Variants in IQCK observed in about 807,000 individuals in gnomAD.
IQCK encodes IQ motif containing K, also known as IQ domain-containing protein K.
A neutral mutation model predicts 28.1 loss-of-function variants in IQCK; 29 were observed. That is an observed-to-expected ratio of 1.03 (90% CI 0.77 to 1.41). The LOEUF is 1.41. Ranked by LOEUF, IQCK falls within the 40% of genes most tolerant of loss-of-function variation. IQCK has a pLI of 0.00. For synonymous variants in IQCK, 113 were observed against 115.1 expected, an observed-to-expected ratio of 0.98 and a Z score of 0.12; for missense variants, 359 against 314.7, an observed-to-expected ratio of 1.14 and a Z score of -1.07.
chr16:19,831,551 G>T (rs2056233516), downstream of IQCK, among the ~76,000 whole-genome samples: 2 of 152,032 alleles, frequency 1.3e-5, no homozygotes, highest in Admixed American at 1.3e-4. Flanking sequence ...TCAAAGGCTT[G>T]CAGTGAAGCA....
chr16:19,735,073 T>A (rs1406712284), intron 3 of IQCK, among the ~76,000 whole-genome samples: 1 of 152,182 alleles, frequency 6.6e-6, no homozygotes, highest in Non-Finnish European at 1.5e-5. Flanking sequence ...CCGGCCACAC[T>A]GGGCCCCTTG....
At chr16:19,752,604 T>C (rs62025010) in intron 4 of IQCK, among the ~76,000 whole-genome samples, 8,378 of 152,260 alleles carry the variant, frequency 0.055, 378 homozygotes, top group Non-Finnish European at 0.084. Context: ...GGTCTCACTC[T>C]GCTGCCCAGG....
chr16:19,774,398 CTTTTTTTT>C (rs1167894201), intron 6 of IQCK, among the ~76,000 whole-genome samples: 3 of 104,114 alleles, frequency 2.9e-5, no homozygotes, highest in Non-Finnish European at 3.8e-5. Context: ...TTAGCTAATA[CTTTTTTTT>C]TTTTTTTTTT....
chr16:19,765,335 C>T (rs189328944), intron 6 of IQCK, among the ~76,000 whole-genome samples: 45 of 151,510 alleles, frequency 3.0e-4, no homozygotes, highest in African/African-American at 1.0e-3. Context: ...GTCAGGAGTT[C>T]GAGACCAGCC....
chr16:19,718,909 G>A (rs1186197502), intron 1 of IQCK, among the ~76,000 whole-genome samples: 1 of 152,208 alleles, frequency 6.6e-6, no homozygotes, highest in East Asian at 1.9e-4. Context: ...TTTTAAAAGA[G>A]CACCCCAGGT....
At chr16:19,842,577 T>C (rs2056373941) in intron 9 of IQCK, among the ~76,000 whole-genome samples, 1 of 152,226 alleles carries the variant, frequency 6.6e-6, no homozygotes, top group African/African-American at 2.4e-5. Flanking sequence ...TAAATCCGTA[T>C]GTGAAATGTC....
At chr16:19,779,101 G>C (rs1192599913) in intron 6 of IQCK, among the ~76,000 whole-genome samples, 2 of 152,104 alleles carry the variant, frequency 1.3e-5, no homozygotes, top group East Asian at 3.9e-4. Flanking sequence ...TCCCACTTCA[G>C]CCTCCCAAAG....
At chr16:19,741,501 A>C (rs943090029) in intron 4 of IQCK, among the ~76,000 whole-genome samples, 2 of 152,164 alleles carry the variant, frequency 1.3e-5, no homozygotes, top group Non-Finnish European at 2.9e-5. Flanking sequence ...TAAATTTCTA[A>C]TTATATTAGA....
chr16:19,729,132 T>A (rs894592667), intron 1 of IQCK, among the ~76,000 whole-genome samples: 2 of 152,170 alleles, frequency 1.3e-5, no homozygotes, highest in Non-Finnish European at 2.9e-5. Flanking sequence ...ACGTGGACTG[T>A]TCTTTTATTT....
intron 7 of IQCK, among the ~76,000 whole-genome samples, chr16:19,816,732 T>C (rs1383548310): frequency 6.6e-6 from 1 of 152,242 alleles, no homozygotes; most frequent in Non-Finnish European, 1.5e-5. Context: ...CATGTACTAA[T>C]AGCAATTGTA....
chr16:19,836,054 CT>C (rs1174693192), intron 9 of IQCK, among the ~76,000 whole-genome samples: 1 of 152,180 alleles, frequency 6.6e-6, no homozygotes, highest in Non-Finnish European at 1.5e-5. Context: ...ATGATGTCAT[CT>C]TTGTGCTACA....
intron 6 of IQCK, among the ~76,000 whole-genome samples, chr16:19,785,762 G>C (rs1455171369): frequency 1.3e-5 from 2 of 152,288 alleles, no homozygotes; most frequent in South Asian, 2.1e-4. Flanking sequence ...AAACTTCTAG[G>C]GGGTATTTGG....
At chr16:19,761,720 C>G (rs541923383) in intron 4 of IQCK, 1 of 253,572 alleles carries the variant, frequency 3.9e-6, no homozygotes, top group African/African-American at 2.2e-5. Flanking sequence ...TATCTTCTCC[C>G]CATTACTCTG....
At chr16:19,764,263 C>G in intron 6 of IQCK, 151 bp downstream of exon 6, 1 of 621,556 alleles carries the variant, frequency 1.6e-6, no homozygotes, top group Non-Finnish European at 2.8e-6. Flanking sequence ...TTATTCTTAG[C>G]CTAGGCTAAC....
intron 6 of IQCK, among the ~76,000 whole-genome samples, chr16:19,777,946 C>T (rs552528904): frequency 2.7e-4 from 41 of 152,096 alleles, no homozygotes; most frequent in African/African-American, 7.7e-4. Flanking sequence ...CCAGTTACTC[C>T]GGAGGCTGAG....
At chr16:19,756,070 G>A (rs529996728) in intron 4 of IQCK, among the ~76,000 whole-genome samples, 23 of 152,320 alleles carry the variant, frequency 1.5e-4, no homozygotes, top group African/African-American at 4.8e-4. Context: ...TGTAGTCCCA[G>A]CTACCTGGGG....
At position 19,718,335 on chromosome 16, in the gene IQCK, AC is replaced by A. The variant is rs765882404; in HGVS notation, c.30del (p.His10GlnfsTer2). ...GCGGCACCGCGGCAAATCCCCAGCC[AC>A]ATAGTGCGCCTCAAGCCCAGCTGCT... On this transcript the variant is annotated frameshift_variant, in exon 1 of 8. Coordinates refer to ENST00000564186, the Ensembl canonical transcript of IQCK. LOFTEE classifies it high-confidence loss of function. The A allele has an allele frequency of 3.1e-6, 5 of 1,609,806 alleles. No individual in the cohort carries two copies. The African/African-American group carries it at 5.3e-5, about 17-fold the overall frequency.
chr16:19,779,532 A>G (rs2055445702), intron 6 of IQCK, among the ~76,000 whole-genome samples: 1 of 152,142 alleles, frequency 6.6e-6, no homozygotes, highest in South Asian at 2.1e-4. Flanking sequence ...ACTAACCACC[A>G]CACTATATTA....
intron 4 of IQCK, among the ~76,000 whole-genome samples, chr16:19,751,936 A>C (rs1463656474): frequency 6.6e-6 from 1 of 152,092 alleles, no homozygotes; most frequent in Admixed American, 6.5e-5. Context: ...CACACTCTAC[A>C]AGAGTTGGAA....
Sources: allele counts gnomAD v4.1 joint callset (sites outside exome capture counted in the v4.1 genomes callset), GRCh38; gene constraint gnomAD v4.1.1; transcripts MANE v1.5; gene names NCBI Gene and HGNC (gene_info 2026-07-23, HGNC 2026-07-21).